The following ITGA8 variants were observed in gnomAD, a reference collection of about 807,000 sequenced individuals.
ITGA8 encodes integrin alpha-8.
Under a neutral mutation model 142.3 loss-of-function variants are expected in ITGA8, and 91 were observed. The observed-to-expected ratio is 0.64, with a 90% CI of 0.54 to 0.76. The LOEUF is 0.76. ITGA8 is among the 30% of genes least tolerant of loss of function. ITGA8 has a pLI of 0.00. For missense variants in ITGA8, 1,406 were observed against 1,327.7 expected (o/e 1.06, Z -0.92); for synonymous variants, 505 against 485.2 (o/e 1.04, Z -0.54).
At chr10:15,716,780 C>T (rs1313123857) in intron 2 of ITGA8, among the ~76,000 whole-genome samples, 1 of 150,378 alleles carries the variant, frequency 6.6e-6, no homozygotes, top group Non-Finnish European at 1.5e-5. Context: ...AAGCAATTCT[C>T]CTGTCTCAGC....
intron 22 of ITGA8, among the ~76,000 whole-genome samples, chr10:15,589,306 A>T (rs746490218): frequency 2.6e-5 from 4 of 152,168 alleles, no homozygotes; most frequent in Non-Finnish European, 5.9e-5. Context: ...ATAACACAGT[A>T]TTCATCTCAC....
intron 13 of ITGA8, among the ~76,000 whole-genome samples, chr10:15,622,561 C>T (rs529523978): frequency 1.1e-4 from 17 of 148,708 alleles, no homozygotes; most frequent in East Asian, 6.0e-4. Context: ...AAAATCTAGA[C>T]GACTTTTATA....
In ITGA8 at chr10:15,680,319, C is replaced by T. The variant is rs1276906602; in HGVS notation, c.569-1536G>A. Among the ~76,000 whole-genome samples, 3 of 149,806 alleles carry T rather than the reference C, an allele frequency of 2.0e-5. No individual in the cohort carries two copies. The Admixed American group carries it at 2.0e-4, about 10-fold the overall frequency. On this transcript the variant is annotated intron_variant, in intron 4 of 29. Transcript: ENST00000378076. ...CTCAGCTCACTACAAGCTCCGCCTC[C>T]CGGGTTCACGCCATTCTCCTGCCTC... is the stretch of plus-strand genomic sequence containing the variant.
In ITGA8 at chr10:15,660,895, G is replaced by T. The variant is rs1382528142; in HGVS notation, c.875C>A (p.Ala292Glu). ...AGTACTCACATATCCAAAATTCTGT[G>T]CTCCTCTTGGAATTCCAGCAACCAA... ...QELVAGIPRG[A>E]QNFGYVSIIN... The change falls in exon 9 of 30, where the codon GCA (alanine) becomes GAA (glutamate). Residue 292 changes from alanine (A) to glutamate (E), a missense_variant. Ala to Glu is a moderately radical substitution (Grantham distance 107, BLOSUM62 -1). Transcript: ENST00000378076. 3.1e-6 allele frequency: 5 copies of T among 1,613,590 alleles called. No individual in the cohort carries two copies. Among genetic ancestry groups the T allele is most frequent in the Non-Finnish European group, 4.2e-6 (5 of 1,179,746 alleles).
At chr10:15,677,526 A>G in intron 6 of ITGA8, 66 bp downstream of exon 6, 1 of 1,271,294 alleles carries the variant, frequency 7.9e-7, no homozygotes, top group Non-Finnish European at 1.1e-6. Context: ...ATTTAACACT[A>G]CTTCTGGGTC....
chr10:15,521,711 C>T (rs1292037875), intron 28 of ITGA8, among the ~76,000 whole-genome samples: 1 of 152,196 alleles, frequency 6.6e-6, no homozygotes, highest in Non-Finnish European at 1.5e-5. Flanking sequence ...TCCATCACCA[C>T]GGTGACATTA....
intron 2 of ITGA8, among the ~76,000 whole-genome samples, chr10:15,715,818 A>G (rs761094116): frequency 9.8e-5 from 15 of 152,360 alleles, no homozygotes; most frequent in Non-Finnish European, 2.2e-4. Flanking sequence ...CTTGCACAGC[A>G]TTGCATCAAG....
At chr10:15,543,259 A>G (rs1490839037) in intron 27 of ITGA8, among the ~76,000 whole-genome samples, 1 of 152,158 alleles carries the variant, frequency 6.6e-6, no homozygotes, top group Non-Finnish European at 1.5e-5. Flanking sequence ...GAGAAAATAG[A>G]CTCTGTCTAA....
intron 27 of ITGA8, among the ~76,000 whole-genome samples, chr10:15,533,031 C>T (rs11818881): frequency 0.2 from 30,085 of 151,934 alleles, 4,020 homozygotes; most frequent in African/African-American, 0.38. Flanking sequence ...GCAAATGTTA[C>T]GGATCGGGGC....
rs539311673 is a variant in ITGA8, at chr10:15,616,653, A to G, written c.1400-94T>C. ...TAAGTAGCACATAGAATACCCCTAC[A>G]TGCTGATGGTACGAGAGCCACAAAA... is the stretch of plus-strand genomic sequence containing the variant. On this transcript the variant is annotated intron_variant, in intron 13 of 29. Transcript: ENST00000378076. 6.4e-5 allele frequency: 64 copies of G among 1,005,208 alleles called. No homozygotes were observed. In the African/African-American group the frequency reaches 9.4e-4, roughly 15 times the overall value. The allele number at this position is 1,005,208 out of a possible 1,614,324, so 62.3% of individuals were successfully genotyped here.
chr10:15,566,258 C>T (rs950368632), intron 25 of ITGA8, among the ~76,000 whole-genome samples: 2 of 152,074 alleles, frequency 1.3e-5, no homozygotes, highest in South Asian at 2.1e-4. Flanking sequence ...TCCAGCTTTC[C>T]ACGGCTCTCA....
At chr10:15,660,076 T>A (rs948792222) in intron 9 of ITGA8, among the ~76,000 whole-genome samples, 1 of 152,236 alleles carries the variant, frequency 6.6e-6, no homozygotes, top group Non-Finnish European at 1.5e-5. Flanking sequence ...ATGCAATTCA[T>A]TAAAATAACT....
At chr10:15,679,424 C>T (rs920431292) in intron 4 of ITGA8, among the ~76,000 whole-genome samples, 1 of 152,002 alleles carries the variant, frequency 6.6e-6, no homozygotes, top group East Asian at 1.9e-4. Context: ...TCCACTAAAA[C>T]CACAAAAATT....
intron 11 of ITGA8, among the ~76,000 whole-genome samples, chr10:15,651,883 T>C (rs531746380): frequency 1.3e-5 from 2 of 152,274 alleles, no homozygotes; most frequent in African/African-American, 4.8e-5. Flanking sequence ...AGCATAGTTA[T>C]ATATAATAGG....
chr10:15,628,159 C>T lies in ITGA8; in HGVS notation c.1400-11600G>A, dbSNP rs539651350. Among the ~76,000 whole-genome samples the T allele has an allele frequency of 4.9e-4, 75 of 151,968 alleles. 5 individuals carry two copies. Among genetic ancestry groups the T allele is most frequent in the Middle Eastern group, 3.4e-3 (1 of 294 alleles). The stretch of plus-strand genomic sequence containing the variant: ...ACCCACTCCTTTCGCAGAAAACTTA[C>T]GAATAATCCACCCCTTGTTTAGCAT... On this transcript the variant is annotated intron_variant, in intron 13 of 29. Coordinates refer to ENST00000378076, the MANE Select transcript of ITGA8 (RefSeq NM_003638.3).
chr10:15,558,440 A>G (rs1284564442), intron 25 of ITGA8, among the ~76,000 whole-genome samples: 2 of 152,202 alleles, frequency 1.3e-5, no homozygotes, highest in African/African-American at 4.8e-5. Context: ...ATTCCTGGGA[A>G]GTTTATCTTG....
At chr10:15,586,784 G>A (rs1832840222) in intron 22 of ITGA8, 120 bp from the exon 23 acceptor site, 2 of 594,882 alleles carry the variant, frequency 3.4e-6, no homozygotes, top group South Asian at 2.4e-5. Context: ...GATCATTCAG[G>A]ATACAAGTGT....
At chr10:15,575,854 A>C (rs930584661) in intron 23 of ITGA8, among the ~76,000 whole-genome samples, 7 of 152,178 alleles carry the variant, frequency 4.6e-5, no homozygotes, top group African/African-American at 7.2e-5. Flanking sequence ...ACTAAAGAAG[A>C]GAGTGGAGAG....
At chr10:15,595,974 C>T (rs1237368161) in intron 21 of ITGA8, among the ~76,000 whole-genome samples, 4 of 152,134 alleles carry the variant, frequency 2.6e-5, no homozygotes, top group African/African-American at 9.7e-5. Flanking sequence ...TCACTTGAAC[C>T]CGGGAGGCAG....
Sources: allele counts gnomAD v4.1 joint callset (sites outside exome capture counted in the v4.1 genomes callset), GRCh38; gene constraint gnomAD v4.1.1; transcripts MANE v1.5; gene names NCBI Gene and HGNC (gene_info 2026-07-23, HGNC 2026-07-21).